Variants in HS6ST3 observed in about 807,000 individuals in gnomAD.
The protein encoded by HS6ST3 is heparan sulfate 6-O-sulfotransferase 3, also known as heparan-sulfate 6-O-sulfotransferase 3.
In HS6ST3, 12 loss-of-function variants were observed where a neutral mutation model predicts 36.7. That is an observed-to-expected ratio of 0.33 (90% CI 0.21 to 0.53). HS6ST3 has a LOEUF of 0.53. Ranked by LOEUF, HS6ST3 falls within the 20% of genes least tolerant of loss-of-function variation. The pLI is 0.95. For missense variants in HS6ST3, 584 were observed against 640.9 expected, an observed-to-expected ratio of 0.91 and a Z score of 0.96; for synonymous variants, 240 against 257.5, an observed-to-expected ratio of 0.93 and a Z score of 0.65.
intron 1 of HS6ST3, among the ~76,000 whole-genome samples, chr13:96,236,099 G>A (rs1309293766): frequency 1.3e-5 from 2 of 152,184 alleles, no homozygotes; most frequent in Non-Finnish European, 2.9e-5. Context: ...TTTGATGGCA[G>A]GAAGCATCCA....
chr13:96,649,787 T>C (rs1358714980), intron 1 of HS6ST3, among the ~76,000 whole-genome samples: 1 of 151,666 alleles, frequency 6.6e-6, no homozygotes, highest in East Asian at 1.9e-4. Flanking sequence ...ATAGGTCAGA[T>C]AATGTCACTC....
chr13:96,350,756 A>G (rs1369809277), intron 1 of HS6ST3, among the ~76,000 whole-genome samples: 1 of 152,216 alleles, frequency 6.6e-6, no homozygotes, highest in East Asian at 1.9e-4. Context: ...AACACCTGCT[A>G]GTGTATTTCC....
Position 96,835,295 on chromosome 13 carries a change from C to T in HS6ST3, c.*2097C>T, listed in dbSNP as rs1038310498. ...CTGCCTTGGGTCAGTCCAGCCCCCTCCACATCACTGAGCCATCAATGAGCT... is the reference window on the plus strand; with the variant it reads ...CTGCCTTGGGTCAGTCCAGCCCCCTTCACATCACTGAGCCATCAATGAGCT... On this transcript the variant is annotated 3_prime_UTR_variant, in exon 2 of 2. Coordinates refer to ENST00000376705, the MANE Select transcript of HS6ST3 (RefSeq NM_153456.4). 3.9e-5 allele frequency: 6 copies of T among 152,342 alleles called. No homozygotes were observed. Among genetic ancestry groups the T allele is most frequent in the Non-Finnish European group, 8.8e-5 (6 of 68,152 alleles). The allele number at this position is 152,342 out of a possible 1,614,324, so 9.4% of individuals were successfully genotyped here. A position where few individuals can be genotyped will look rare whatever the true frequency, so the allele number is the denominator to read the frequency against.
At chr13:96,608,206 C>T (rs1476981607) in intron 1 of HS6ST3, among the ~76,000 whole-genome samples, 6 of 152,184 alleles carry the variant, frequency 3.9e-5, no homozygotes, top group Admixed American at 3.3e-4. Flanking sequence ...AATATATAAA[C>T]ATTTATTCTG....
At chr13:96,799,002 A>C (rs778282498) in intron 1 of HS6ST3, among the ~76,000 whole-genome samples, 75 of 152,096 alleles carry the variant, frequency 4.9e-4, no homozygotes, top group Non-Finnish European at 7.9e-4. Context: ...TACAAGTCAA[A>C]TTAGATGAGA....
chr13:96,105,781 G>C (rs932090829), intron 1 of HS6ST3, among the ~76,000 whole-genome samples: 10 of 152,160 alleles, frequency 6.6e-5, no homozygotes, highest in Non-Finnish European at 1.2e-4. Flanking sequence ...ATTCATGCTT[G>C]TACATAGCCC....
intron 1 of HS6ST3, among the ~76,000 whole-genome samples, chr13:96,522,566 G>T (rs1161521996): frequency 6.6e-6 from 1 of 152,124 alleles, no homozygotes; most frequent in Non-Finnish European, 1.5e-5. Flanking sequence ...AGGATAGTTA[G>T]CTCTTCTTGT....
chr13:96,721,134 T>C (rs1346885831), intron 1 of HS6ST3, among the ~76,000 whole-genome samples: 1 of 152,240 alleles, frequency 6.6e-6, no homozygotes, highest in Non-Finnish European at 1.5e-5. Flanking sequence ...CTGAGCCTAA[T>C]GATAATTCCT....
intron 1 of HS6ST3, among the ~76,000 whole-genome samples, chr13:96,138,244 A>G (rs1051906337): frequency 5.9e-5 from 9 of 152,136 alleles, no homozygotes; most frequent in African/African-American, 2.2e-4. Flanking sequence ...TTTTTGAAAT[A>G]AAGTAGTGAA....
At chr13:96,653,761 C>G (rs1320896450) in intron 1 of HS6ST3, among the ~76,000 whole-genome samples, 1 of 152,096 alleles carries the variant, frequency 6.6e-6, no homozygotes, top group Non-Finnish European at 1.5e-5. Context: ...ATTTCTGGTT[C>G]TAGATCCTTA....
At chr13:96,597,723 T>C (rs1234301686) in intron 1 of HS6ST3, among the ~76,000 whole-genome samples, 2 of 151,852 alleles carry the variant, frequency 1.3e-5, no homozygotes, top group African/African-American at 4.8e-5. Flanking sequence ...GTTTTTGGAG[T>C]CTTAAGTTAT....
chr13:96,763,881 G>T (rs534127441), intron 1 of HS6ST3, among the ~76,000 whole-genome samples: 1 of 152,110 alleles, frequency 6.6e-6, no homozygotes. Context: ...AAATCATATT[G>T]CAACAATCTG....
chr13:96,144,915 G>T (rs1228229696), intron 1 of HS6ST3, among the ~76,000 whole-genome samples: 2 of 149,810 alleles, frequency 1.3e-5, no homozygotes, highest in African/African-American at 4.9e-5. Flanking sequence ...TTTTGTCCTT[G>T]CGATAGTTTG....
intron 1 of HS6ST3, among the ~76,000 whole-genome samples, chr13:96,539,645 G>A (rs1257506169): frequency 6.6e-6 from 1 of 152,032 alleles, no homozygotes; most frequent in African/African-American, 2.4e-5. Context: ...GTGAGCCTGG[G>A]CACTCATTTT....
chr13:96,718,649 T>C (rs1298026937), intron 1 of HS6ST3, among the ~76,000 whole-genome samples: 1 of 152,182 alleles, frequency 6.6e-6, no homozygotes, highest in Admixed American at 6.5e-5. Flanking sequence ...TTTAGTAAGT[T>C]TTATATAAAG....
At chr13:96,567,236 A>T (rs1264769800) in intron 1 of HS6ST3, among the ~76,000 whole-genome samples, 1 of 152,068 alleles carries the variant, frequency 6.6e-6, no homozygotes, top group Non-Finnish European at 1.5e-5. Context: ...AATCCCACTA[A>T]GTACTGAGCA....
intron 1 of HS6ST3, among the ~76,000 whole-genome samples, chr13:96,206,101 C>G (rs1340959784): frequency 6.6e-6 from 1 of 152,174 alleles, no homozygotes; most frequent in Non-Finnish European, 1.5e-5. Context: ...AGCTGATAAG[C>G]AACTTCAGCA....
chr13:96,559,622 C>A (rs576749650), intron 1 of HS6ST3, among the ~76,000 whole-genome samples: 7 of 152,166 alleles, frequency 4.6e-5, no homozygotes, highest in African/African-American at 1.7e-4. Context: ...TTTAAGCAAG[C>A]GGACTTCAGG....
chr13:96,630,806 A>G (rs530125056), intron 1 of HS6ST3, among the ~76,000 whole-genome samples: 1 of 152,272 alleles, frequency 6.6e-6, no homozygotes, highest in Admixed American at 6.5e-5. Context: ...CTTTTAAAAC[A>G]TATCTGTTTT....
Sources: gnomAD v4.1 joint callset for allele counts (sites outside exome capture counted in the v4.1 genomes callset) on GRCh38, gnomAD v4.1.1 for gene constraint, MANE v1.5 for transcripts, NCBI Gene and HGNC (gene_info 2026-07-23, HGNC 2026-07-21) for gene names.